Variants in NR1D2 observed in about 807,000 individuals in gnomAD.
The protein encoded by NR1D2 is V-erbA-related protein 1-related.
In NR1D2, 25 loss-of-function variants were observed where a neutral mutation model predicts 52.2. The observed-to-expected ratio is 0.48, with a 90% CI of 0.35 to 0.67. The LOEUF (loss-of-function observed/expected upper bound fraction) is 0.67, where lower values mean the gene tolerates loss of function less well. Ranked by LOEUF, NR1D2 falls within the 30% of genes least tolerant of loss-of-function variation. NR1D2 has a pLI of 0.01. For missense variants in NR1D2, 681 were observed against 707.2 expected (o/e 0.96, Z 0.42); for synonymous variants, 259 against 230.1 (o/e 1.13, Z -1.14).
At chr3:23,952,580 AC>A (rs1440530789) in intron 1 of NR1D2, among the ~76,000 whole-genome samples, 7 of 151,718 alleles carry the variant, frequency 4.6e-5, no homozygotes, top group Middle Eastern at 3.2e-3. Flanking sequence ...ACAAAAATTA[AC>A]CAGGCGTGGT....
chr3:23,972,147 T>C (rs1309162046), intron 7 of NR1D2, among the ~76,000 whole-genome samples: 1 of 152,176 alleles, frequency 6.6e-6, no homozygotes, highest in African/African-American at 2.4e-5. Flanking sequence ...TCAGAAGAAA[T>C]GGTAGTTAAT....
chr3:23,965,420 T>G (rs189568692), intron 6 of NR1D2, among the ~76,000 whole-genome samples: 2 of 151,052 alleles, frequency 1.3e-5, no homozygotes, highest in African/African-American at 2.4e-5. Context: ...TTTTGTTTTT[T>G]TTTTTTTGTA....
chr3:23,967,644 T>TATAGA (rs937865600), intron 6 of NR1D2, among the ~76,000 whole-genome samples, 169 bp from the exon 7 acceptor site: 50 of 152,148 alleles, frequency 3.3e-4, no homozygotes, highest in Non-Finnish European at 4.6e-4. Context: ...GAATATAGAA[T>TATAGA]ATAGAATAGA....
chr3:23,954,927 A>T, intron 2 of NR1D2, 124 bp downstream of exon 2: 1 of 806,794 alleles, frequency 1.2e-6, no homozygotes, highest in South Asian at 1.7e-5. Context: ...CTGGGTAATC[A>T]TACATCAGTA....
At position 23,968,035 on chromosome 3, in the gene NR1D2, G is replaced by A. The variant is rs1167099369; in HGVS notation, c.1543+12G>A. On this transcript the variant is annotated intron_variant, in intron 7 of 7. Transcript: ENST00000312521. ...CCTGGTATCTGCAGGTAAGCAAGCT[G>A]GTTCAAAATTGTGCCACACCTAGCA... The A allele has an allele frequency of 2.5e-6, 4 of 1,612,094 alleles. No homozygotes were observed. The highest frequency in any genetic ancestry group is 3.4e-6 in the Non-Finnish European group (4 of 1,178,156).
chr3:23,947,107 G>A (rs1478025656), intron 1 of NR1D2, among the ~76,000 whole-genome samples: 1 of 152,080 alleles, frequency 6.6e-6, no homozygotes, highest in Non-Finnish European at 1.5e-5. Flanking sequence ...TAGCCTTTGA[G>A]GGTATTTTTA....
intron 6 of NR1D2, among the ~76,000 whole-genome samples, chr3:23,966,730 T>A (rs1364555317): frequency 6.6e-6 from 1 of 152,216 alleles, no homozygotes; most frequent in African/African-American, 2.4e-5. Flanking sequence ...AGAATCTGTC[T>A]TAAGAAAGTG....
In NR1D2 at chr3:23,980,119, AGT is replaced by A. The variant is rs1331060024; in HGVS notation, c.*2703_*2704del. ...ATTAGAAGGAAATTTCAGTGGATTAAGTGTATAGCTTTCATATCTACATTTCA... is the reference window on the plus strand; with the variant it reads ...ATTAGAAGGAAATTTCAGTGGATTAAGTATAGCTTTCATATCTACATTTCA... On this transcript the variant is annotated 3_prime_UTR_variant, in exon 8 of 8. Transcript: ENST00000312521. 17 of 152,300 alleles carry A rather than the reference AGT, an allele frequency of 1.1e-4. No individual in the cohort carries two copies. Among genetic ancestry groups the A allele is most frequent in the Admixed American group, 2.0e-4 (3 of 15,308 alleles). The allele number at this position is 152,300 out of a possible 1,614,324, so 9.4% of individuals were successfully genotyped here. A position where few individuals can be genotyped will look rare whatever the true frequency, so the allele number is the denominator to read the frequency against.
intron 7 of NR1D2, among the ~76,000 whole-genome samples, chr3:23,976,184 A>G (rs1038016587): frequency 4.6e-5 from 7 of 152,264 alleles, no homozygotes; most frequent in Non-Finnish European, 7.3e-5. Flanking sequence ...TGTATGACAA[A>G]TTTAATAAAC....
chr3:23,949,918 G>C (rs1383030033), intron 1 of NR1D2, among the ~76,000 whole-genome samples: 1 of 152,226 alleles, frequency 6.6e-6, no homozygotes, highest in Non-Finnish European at 1.5e-5. Context: ...CTTCCTAGCA[G>C]TACAAAATTG....
chr3:23,962,667 A>G (rs1418510569), intron 5 of NR1D2, 62 bp downstream of exon 5: 4 of 1,483,722 alleles, frequency 2.7e-6, no homozygotes, highest in Non-Finnish European at 3.6e-6. Flanking sequence ...ATTTTCTTTT[A>G]TTCGGGAGAT....
chr3:23,968,059 C>G (rs1706498057), intron 7 of NR1D2, 36 bp downstream of exon 7: 1 of 1,528,080 alleles, frequency 6.5e-7, no homozygotes, highest in African/African-American at 1.4e-5. Context: ...CCACACCTAG[C>G]ATATAGTGAC....
chr3:23,977,058 T>A (rs1706745134), intron 7 of NR1D2, among the ~76,000 whole-genome samples, 165 bp from the exon 8 acceptor site: 1 of 152,194 alleles, frequency 6.6e-6, no homozygotes, highest in Non-Finnish European at 1.5e-5. Flanking sequence ...TAGCTAACGA[T>A]TTGTTACTGA....
chr3:23,958,612 C>T lies in NR1D2; in HGVS notation c.373-1059C>T, dbSNP rs1318332264. 2.7e-5 allele frequency among the ~76,000 whole-genome samples: 4 copies of T among 146,476 alleles called. No individual in the cohort carries two copies. In the Admixed American group the frequency reaches 2.8e-4, roughly 10 times the overall value. On this transcript the variant is annotated intron_variant, in intron 3 of 7. Coordinates refer to ENST00000312521, the MANE Select transcript of NR1D2 (RefSeq NM_005126.5). ...CTATTATTACGTCATTGTACTCCAG[C>T]CTGGGTGACAGAGCAAGACCCTGTC...
rs145096935 is a variant in NR1D2, at chr3:23,962,454, A to G, written c.995A>G (p.Asn332Ser). ...GGGAGGAATATAATGCATTACCCAA[A>G]TGGTCATGCCATTTGTATTGCAAAT... ...FKGRNIMHYP[N>S]GHAICIANGH... The change falls in exon 5 of 8, where the codon AAT (asparagine) becomes AGT (serine). Residue 332 changes from asparagine (N) to serine (S), a missense_variant. Physicochemically the swap from Asn to Ser is conservative, Grantham distance 46. Around this residue, in one of 3 missense-constraint regions of NR1D2, gnomAD observed 475 missense variants for 454.5 expected, o/e 1.05. Coordinates refer to ENST00000312521, the MANE Select transcript of NR1D2 (RefSeq NM_005126.5). 8.5e-4 allele frequency: 1,374 copies of G among 1,614,118 alleles called. 16 individuals are homozygous for G. In the African/African-American group the frequency reaches 0.017, roughly 20 times the overall value.
intron 7 of NR1D2, among the ~76,000 whole-genome samples, chr3:23,968,649 C>T (rs4858567): frequency 0.78 from 119,248 of 152,048 alleles, 47,527 homozygotes; most frequent in African/African-American, 0.9. Flanking sequence ...TTTTGAGTTT[C>T]TAATGTTTAT....
intron 7 of NR1D2, among the ~76,000 whole-genome samples, chr3:23,968,273 T>C (rs893738188): frequency 6.6e-6 from 1 of 152,272 alleles, no homozygotes; most frequent in African/African-American, 2.4e-5. Flanking sequence ...CTTTAGCTTT[T>C]TGTTCATAAT....
intron 1 of NR1D2, among the ~76,000 whole-genome samples, chr3:23,947,163 T>G (rs572274468): frequency 6.6e-6 from 1 of 152,240 alleles, no homozygotes. Context: ...CATGTTAGAA[T>G]TCAGAGGTGA....
intron 1 of NR1D2, among the ~76,000 whole-genome samples, chr3:23,949,068 AAAATAAG>A (rs1433887103): frequency 1.3e-5 from 2 of 152,182 alleles, no homozygotes; most frequent in Non-Finnish European, 2.9e-5. Flanking sequence ...TCTATTTTAT[AAAATAAG>A]ACCGATTTGG....
Sources: gnomAD v4.1 joint callset for allele counts (sites outside exome capture counted in the v4.1 genomes callset) on GRCh38, gnomAD v4.1.1 for gene constraint, gnomAD v4.1.1 regional missense constraint, MANE v1.5 for transcripts, NCBI Gene and HGNC (gene_info 2026-07-23, HGNC 2026-07-21) for gene names.